Variants in NRXN3 observed in about 807,000 individuals in gnomAD.
NRXN3 encodes the protein neurexin 3, also known as neurexin III.
NRXN3 carries 32 observed loss-of-function variants against 137.6 expected under a neutral mutation model. The observed-to-expected ratio is 0.23, with a 90% confidence interval of 0.18 to 0.31. The LOEUF (loss-of-function observed/expected upper bound fraction) is 0.31, where lower values mean the gene tolerates loss of function less well. NRXN3 is among the 10% of genes least tolerant of loss of function. The pLI is 1.00. For missense variants in NRXN3, 1,574 were observed against 2,062.5 expected, an observed-to-expected ratio of 0.76 and a Z score of 4.59; for synonymous variants, 798 against 784.5, an observed-to-expected ratio of 1.02 and a Z score of -0.29.
chr14:78,247,776 G>A (rs1275758412), intron 2 of NRXN3, among the ~76,000 whole-genome samples: 1 of 152,158 alleles, frequency 6.6e-6, no homozygotes, highest in African/African-American at 2.4e-5. Context: ...GAGTTTGTCA[G>A]CACCTTGAAA....
At chr14:79,314,379 C>G (rs11504598) in intron 15 of NRXN3, among the ~76,000 whole-genome samples, 3 of 46,476 alleles carry the variant, frequency 6.5e-5, no homozygotes, top group Admixed American at 2.7e-4. Flanking sequence ...CGGCGCACCA[C>G]GAGACTATAT....
chr14:79,727,317 A>G (rs749181546), intron 19 of NRXN3, among the ~76,000 whole-genome samples: 5 of 152,324 alleles, frequency 3.3e-5, no homozygotes, highest in Admixed American at 6.5e-5. Context: ...ATGTATGAGT[A>G]GCCGGGAATA....
chr14:79,207,744 A>T (rs1015154133), intron 15 of NRXN3, among the ~76,000 whole-genome samples: 1 of 152,306 alleles, frequency 6.6e-6, no homozygotes, highest in East Asian at 1.9e-4. Flanking sequence ...TTGCATAGGC[A>T]TAAGGGTTGT....
chr14:79,099,000 T>C (rs2050815055), intron 15 of NRXN3, among the ~76,000 whole-genome samples: 1 of 152,156 alleles, frequency 6.6e-6, no homozygotes, highest in African/African-American at 2.4e-5. Flanking sequence ...AAATTGAATT[T>C]CCATGATGAC....
chr14:78,668,854 T>C (rs775366209), intron 6 of NRXN3, among the ~76,000 whole-genome samples: 1 of 152,194 alleles, frequency 6.6e-6, no homozygotes, highest in Non-Finnish European at 1.5e-5. Context: ...GAGGGTTAGT[T>C]TGCTGACTCT....
chr14:78,847,713 T>G (rs1024883718), intron 10 of NRXN3, among the ~76,000 whole-genome samples: 1 of 152,128 alleles, frequency 6.6e-6, no homozygotes, highest in Non-Finnish European at 1.5e-5. Flanking sequence ...ACAATTCCGA[T>G]TACCCTTCCC....
intron 15 of NRXN3, among the ~76,000 whole-genome samples, chr14:79,386,539 T>C (rs1460198185): frequency 3.9e-5 from 6 of 151,962 alleles, no homozygotes; most frequent in African/African-American, 1.5e-4. Flanking sequence ...AGGTAATTTA[T>C]AGATTCAATC....
chr14:78,334,200 G>C (rs2081185242), intron 4 of NRXN3, among the ~76,000 whole-genome samples: 1 of 152,160 alleles, frequency 6.6e-6, no homozygotes, highest in Non-Finnish European at 1.5e-5. Context: ...TAACCAAGAG[G>C]AGATATTGAG....
intron 8 of NRXN3, among the ~76,000 whole-genome samples, chr14:78,720,057 A>G (rs925007513): frequency 6.6e-6 from 1 of 151,968 alleles, no homozygotes; most frequent in African/African-American, 2.4e-5. Context: ...TTTCCTTCAT[A>G]TATACTGTTA....
intron 17 of NRXN3, among the ~76,000 whole-genome samples, chr14:79,664,156 A>G (rs2098547193): frequency 6.6e-6 from 1 of 152,140 alleles, no homozygotes; most frequent in Admixed American, 6.6e-5. Context: ...TATGCACTGG[A>G]CACTTTTTGT....
At chr14:79,750,099 C>A (rs12435036) in intron 19 of NRXN3, among the ~76,000 whole-genome samples, 1 of 151,308 alleles carries the variant, frequency 6.6e-6, no homozygotes, top group Non-Finnish European at 1.5e-5. Flanking sequence ...TATAATTGAC[C>A]AGTGCCTGGT....
chr14:78,425,393 T>G (rs1248092048), intron 4 of NRXN3, among the ~76,000 whole-genome samples: 1 of 152,200 alleles, frequency 6.6e-6, no homozygotes, highest in African/African-American at 2.4e-5. Context: ...GTGGCAGTAT[T>G]TCCCAAATTT....
intron 4 of NRXN3, among the ~76,000 whole-genome samples, chr14:78,602,975 C>T (rs1032887175): frequency 3.1e-4 from 47 of 152,172 alleles, no homozygotes; most frequent in African/African-American, 8.9e-4. Context: ...CTGTGCTTAG[C>T]GTGGGGAGAC....
At chr14:79,068,005 A>C (rs2099682877) in intron 15 of NRXN3, among the ~76,000 whole-genome samples, 1 of 152,042 alleles carries the variant, frequency 6.6e-6, no homozygotes, top group Non-Finnish European at 1.5e-5. Context: ...TGGATCACTC[A>C]AATGTGATCC....
chr14:78,501,016 A>C (rs755450468), intron 4 of NRXN3, among the ~76,000 whole-genome samples: 4 of 152,138 alleles, frequency 2.6e-5, no homozygotes, highest in Non-Finnish European at 4.4e-5. Flanking sequence ...GCAGATGATC[A>C]AGCCTTTCTT....
At chr14:78,904,015 C>T (rs539471053) in intron 10 of NRXN3, among the ~76,000 whole-genome samples, 1 of 152,166 alleles carries the variant, frequency 6.6e-6, no homozygotes, top group South Asian at 2.1e-4. Context: ...CACACTGTCA[C>T]ACCTTATCCT....
At chr14:78,886,477 CTTTTTCTT>C (rs1197702240) in intron 10 of NRXN3, among the ~76,000 whole-genome samples, 2 of 151,858 alleles carry the variant, frequency 1.3e-5, no homozygotes, top group African/African-American at 4.8e-5. Flanking sequence ...CCTTTTTTCT[CTTTTTCTT>C]GCTTCTTTTA....
chr14:79,565,292 C>T (rs955160883), intron 16 of NRXN3, among the ~76,000 whole-genome samples: 45 of 116,258 alleles, frequency 3.9e-4, no homozygotes, highest in African/African-American at 1.7e-3. Context: ...TATACGCACA[C>T]ATGTGTATAT....
chr14:79,164,694 T>C (rs527549593), intron 15 of NRXN3, among the ~76,000 whole-genome samples: 8 of 152,136 alleles, frequency 5.3e-5, no homozygotes, highest in South Asian at 2.1e-4. Flanking sequence ...ATTTATACTA[T>C]ACAAGTAATT....
Sources: allele counts gnomAD v4.1 joint callset (sites outside exome capture counted in the v4.1 genomes callset), GRCh38; gene constraint gnomAD v4.1.1; transcripts MANE v1.5; gene names NCBI Gene and HGNC (gene_info 2026-07-23, HGNC 2026-07-21).